The following NT5M variants were observed in gnomAD, a reference collection of about 807,000 sequenced individuals.
NT5M encodes 5',3'-nucleotidase, mitochondrial.
NT5M carries 22 observed loss-of-function variants against 22.2 expected under a neutral mutation model. The observed-to-expected ratio is 0.99, with a 90% CI of 0.71 to 1.41. The LOEUF (loss-of-function observed/expected upper bound fraction) is 1.41. Among genes scored for constraint, NT5M ranks in the 40% most tolerant of loss-of-function variants. NT5M has a pLI of 0.00. For synonymous variants in NT5M, 167 were observed against 133.0 expected, an observed-to-expected ratio of 1.26 and a Z score of -1.76; for missense variants, 322 against 314.8, an observed-to-expected ratio of 1.02 and a Z score of -0.17.
chr17:17,335,982 T>G (rs1004138889), intron 3 of NT5M, among the ~76,000 whole-genome samples: 2 of 141,680 alleles, frequency 1.4e-5, no homozygotes, highest in Non-Finnish European at 3.1e-5. Context: ...TGCTAGCAAA[T>G]ACTAGGTCTT....
chr17:17,341,580 C>A lies in NT5M; in HGVS notation c.430-3214C>A, dbSNP rs897304696. Among the ~76,000 whole-genome samples the A allele has an allele frequency of 3.9e-5, 6 of 152,186 alleles. No individual in the cohort carries two copies. The East Asian group carries it at 9.6e-4, about 24-fold the overall frequency. On this transcript the variant is annotated intron_variant, in intron 3 of 4. Transcript: ENST00000389022. ...GATGCTGTCCTTATCCCTGTGTCAC[C>A]ACACAGGGACCAGACAACCTGCTGA...
intron 2 of NT5M, among the ~76,000 whole-genome samples, chr17:17,313,539 A>G (rs1218179729): frequency 2.0e-5 from 3 of 152,190 alleles, no homozygotes; most frequent in Admixed American, 2.0e-4. Context: ...CACTGAGTAC[A>G]AGAGATGTGG....
At position 17,303,624 on chromosome 17, in the gene NT5M, C is replaced by T. The variant is rs1459245852; in HGVS notation, c.74C>T (p.Ala25Val). The T allele has an allele frequency of 3.8e-6, 5 of 1,310,320 alleles. No homozygotes were observed. The highest frequency in any genetic ancestry group is 4.9e-6 in the Non-Finnish European group (5 of 1,023,284). 81.2% of individuals were successfully genotyped at this position (1,310,320 alleles called of 1,614,324 possible). The stretch of plus-strand genomic sequence containing the variant: ...GTTCCCGCGGGGCGGCGCGGGGCGG[C>T]GGGCGGGCTGGGCCTGGCGGGAGGC... ...AAVPAGRRGAAGGLGLAGGRA... is the reference protein window; with the variant it reads ...AAVPAGRRGAVGGLGLAGGRA... Residue 25 changes from alanine (A) to valine (V), a missense_variant, in exon 1 of 5, where the codon GCG becomes GTG. By Grantham distance (64) the Ala-to-Val change is moderately conservative. Transcript: ENST00000389022.
At chr17:17,318,082 G>A (rs567093435) in intron 2 of NT5M, among the ~76,000 whole-genome samples, 1 of 151,744 alleles carries the variant, frequency 6.6e-6, no homozygotes, top group South Asian at 2.1e-4. Flanking sequence ...GTACCCGAAT[G>A]TCCCAGCAAC....
chr17:17,336,371 T>A (rs1597794549), intron 3 of NT5M, among the ~76,000 whole-genome samples: 2 of 151,996 alleles, frequency 1.3e-5, no homozygotes, highest in Non-Finnish European at 2.9e-5. Context: ...CACTCCCCCT[T>A]CCCAGCCTCT....
intron 2 of NT5M, 135 bp from the exon 3 acceptor site, chr17:17,323,050 G>A (rs1014931569): frequency 2.6e-6 from 2 of 777,806 alleles, no homozygotes; most frequent in South Asian, 1.4e-5. Context: ...ATAGTACAGG[G>A]GAGTGGGTCT....
intron 2 of NT5M, 92 bp from the exon 3 acceptor site, chr17:17,323,093 G>A (rs1033750364): frequency 1.0e-5 from 10 of 976,656 alleles, no homozygotes; most frequent in South Asian, 2.6e-5. Context: ...GACTCAGAGG[G>A]TCCAGCCCTG....
At chr17:17,307,717 G>T (rs9907857) in intron 2 of NT5M, among the ~76,000 whole-genome samples, 1 of 151,676 alleles carries the variant, frequency 6.6e-6, no homozygotes, top group Non-Finnish European at 1.5e-5. Flanking sequence ...TTAGCTGGGC[G>T]TGGCGGCATG....
At chr17:17,340,747 G>T (rs1353986074) in intron 3 of NT5M, among the ~76,000 whole-genome samples, 2 of 151,990 alleles carry the variant, frequency 1.3e-5, no homozygotes, top group East Asian at 3.9e-4. Flanking sequence ...GGCTGGTCTT[G>T]ATCTCCTGAC....
chr17:17,332,939 T>C lies in NT5M; in HGVS notation c.429+9694T>C, dbSNP rs1031285278. Among the ~76,000 whole-genome samples, 5 of 152,236 alleles carry C rather than the reference T, an allele frequency of 3.3e-5. No individual in the cohort carries two copies. The East Asian group carries it at 5.8e-4, about 18-fold the overall frequency. On this transcript the variant is annotated intron_variant, in intron 3 of 4. Transcript: ENST00000389022. ...CTCAATTTTGCTGTAAACCTAAACCTGCTCTAAAAAATAAAGTCTCTTAAA... is the reference window on the plus strand; with the variant it reads ...CTCAATTTTGCTGTAAACCTAAACCCGCTCTAAAAAATAAAGTCTCTTAAA...
intron 3 of NT5M, among the ~76,000 whole-genome samples, chr17:17,328,373 A>C (rs1165139976): frequency 2.0e-5 from 3 of 152,160 alleles, no homozygotes; most frequent in Non-Finnish European, 2.9e-5. Flanking sequence ...TAACCCTAGA[A>C]CTAAGACAAG....
At chr17:17,319,166 A>G (rs1443264809) in intron 2 of NT5M, among the ~76,000 whole-genome samples, 1 of 150,006 alleles carries the variant, frequency 6.7e-6, no homozygotes, top group African/African-American at 2.4e-5. Flanking sequence ...GTGAGCTGAG[A>G]TTGAGCTACT....
chr17:17,304,813 G>C (rs1237980488), intron 1 of NT5M, among the ~76,000 whole-genome samples: 1 of 152,090 alleles, frequency 6.6e-6, no homozygotes, highest in Non-Finnish European at 1.5e-5. Context: ...CCTGTTCTCT[G>C]TACTACTGTC....
chr17:17,303,654 C>A lies in NT5M; in HGVS notation c.104C>A (p.Ala35Asp). 5 of 1,527,502 alleles carry A rather than the reference C, an allele frequency of 3.3e-6. No homozygotes were observed. The highest frequency in any genetic ancestry group is 4.4e-6 in the Non-Finnish European group (5 of 1,136,766). 94.6% of individuals were successfully genotyped at this position (1,527,502 alleles called of 1,614,324 possible). The change falls in exon 1 of 5, where the codon GCC (alanine) becomes GAC (aspartate). Residue 35 changes from alanine (A) to aspartate (D), a missense_variant. Physicochemically the swap from Ala to Asp is moderately radical, Grantham distance 126. Coordinates refer to ENST00000389022, the MANE Select transcript of NT5M (RefSeq NM_020201.4). ...GGGCTGGGCCTGGCGGGAGGCCGCGCCCTACGGGTGCTGGTGGACATGGAC... is the reference window on the plus strand; with the variant it reads ...GGGCTGGGCCTGGCGGGAGGCCGCGACCTACGGGTGCTGGTGGACATGGAC... ...AGGLGLAGGR[A>D]LRVLVDMDGV...
intron 2 of NT5M, among the ~76,000 whole-genome samples, chr17:17,317,081 G>A (rs34219219): frequency 2.0e-4 from 29 of 142,926 alleles, no homozygotes; most frequent in South Asian, 4.4e-4. Context: ...ACAGAGTCTC[G>A]CTCTGTCGCC....
At chr17:17,307,159 T>C (rs1327423533) in intron 2 of NT5M, among the ~76,000 whole-genome samples, 1 of 151,856 alleles carries the variant, frequency 6.6e-6, no homozygotes, top group African/African-American at 2.4e-5. Context: ...GATCGCGCCA[T>C]TGCACTCCAG....
chr17:17,345,470 C>T (rs1238663757), intron 4 of NT5M, among the ~76,000 whole-genome samples: 1 of 152,062 alleles, frequency 6.6e-6, no homozygotes, highest in East Asian at 1.9e-4. Context: ...TGAAACCAGC[C>T]TGGCCAACAT....
intron 3 of NT5M, among the ~76,000 whole-genome samples, 183 bp downstream of exon 3, chr17:17,323,428 C>G (rs1225003889): frequency 6.6e-6 from 1 of 152,208 alleles, no homozygotes; most frequent in African/African-American, 2.4e-5. Context: ...TCTTATGATG[C>G]AGGTTCTCCA....
At chr17:17,343,051 G>GC in intron 3 of NT5M, among the ~76,000 whole-genome samples, 1 of 152,278 alleles carries the variant, frequency 6.6e-6, no homozygotes. Flanking sequence ...CCAGGCTCTT[G>GC]CCCCCCATCC....
Sources: gnomAD v4.1 joint callset for allele counts (sites outside exome capture counted in the v4.1 genomes callset) on GRCh38, gnomAD v4.1.1 for gene constraint, MANE v1.5 for transcripts, NCBI Gene and HGNC (gene_info 2026-07-23, HGNC 2026-07-21) for gene names.